DGKB: variants seen among roughly 807,000 people sequenced by gnomAD.
DGKB encodes 90 kDa diacylglycerol kinase.
A neutral mutation model predicts 114.3 loss-of-function variants in DGKB; 67 were observed. That is an observed-to-expected ratio of 0.59 (90% confidence interval 0.48 to 0.72). The LOEUF is 0.72. Ranked by LOEUF, DGKB falls within the 30% of genes least tolerant of loss-of-function variation. The pLI, the probability that DGKB is intolerant of heterozygous loss-of-function variation, is 0.00. For missense variants in DGKB, 907 were observed against 975.2 expected, an observed-to-expected ratio of 0.93 and a Z score of 0.93; for synonymous variants, 398 against 323.1, an observed-to-expected ratio of 1.23 and a Z score of -2.49.
At chr7:14,964,135 A>T (rs1167070876) in intron 1 of DGKB, among the ~76,000 whole-genome samples, 1 of 116,078 alleles carries the variant, frequency 8.6e-6, no homozygotes, top group Non-Finnish European at 1.8e-5. Context: ...AGTTATGAGT[A>T]AGAAGAAGGA....
intron 13 of DGKB, among the ~76,000 whole-genome samples, chr7:14,638,566 C>T (rs952258877): frequency 8.5e-5 from 13 of 152,082 alleles, no homozygotes; most frequent in African/African-American, 2.9e-4. Context: ...AGCATCTAGT[C>T]TATGACCAAA....
chr7:14,331,374 C>T (rs1809685828), intron 23 of DGKB, among the ~76,000 whole-genome samples: 1 of 151,862 alleles, frequency 6.6e-6, no homozygotes, highest in African/African-American at 2.4e-5. Flanking sequence ...AAATTAAATG[C>T]TTGGAAATTC....
In DGKB at chr7:14,169,364, C is replaced by CAA. The variant is rs35418998; in HGVS notation, c.2304+7473_2304+7474dup. ...TGGGCAACAGAGCGAGACTCCGTCT[C>CAA]AAAAAAAAAAAAAAAAAAAGAAATG... On this transcript the variant is annotated intron_variant, in intron 25 of 25. Transcript: ENST00000402815. Among the ~76,000 whole-genome samples the CAA allele has an allele frequency of 6.5e-3, 427 of 65,204 alleles. 4 individuals are homozygous for CAA. The highest frequency in any genetic ancestry group is 0.021 in the African/African-American group (388 of 18,900). 42.8% of individuals were successfully genotyped at this position (65,204 alleles called of 152,430 possible).
rs74763578 is a variant in DGKB, at chr7:14,818,291, G to A, written c.70+22903C>T. Reference sequence around the variant, plus strand: ...CCAGAAATATAAATAAAATGGCTAAGTCAAGGGAGGTCGAATTTCTATTCT... The same window carrying A: ...CCAGAAATATAAATAAAATGGCTAAATCAAGGGAGGTCGAATTTCTATTCT... On this transcript the variant is annotated intron_variant, in intron 2 of 25. Coordinates refer to ENST00000402815, the MANE Select transcript of DGKB (RefSeq NM_001350709.2). 9.4e-3 allele frequency among the ~76,000 whole-genome samples: 1,431 copies of A among 152,304 alleles called. 12 individuals carry two copies. The highest frequency in any genetic ancestry group is 0.02 in the South Asian group (97 of 4,826).
At chr7:14,824,845 AT>A (rs1294482398) in intron 2 of DGKB, among the ~76,000 whole-genome samples, 1 of 151,352 alleles carries the variant, frequency 6.6e-6, no homozygotes, top group African/African-American at 2.4e-5. Context: ...ATAATTTTAG[AT>A]TTTTTTGATT....
intron 2 of DGKB, among the ~76,000 whole-genome samples, chr7:14,822,597 G>C (rs139162231): frequency 6.6e-6 from 1 of 152,108 alleles, no homozygotes; most frequent in African/African-American, 2.4e-5. Context: ...AAGTAGAACA[G>C]GGAGTAGATA....
At chr7:14,403,135 T>G (rs902392063) in intron 21 of DGKB, among the ~76,000 whole-genome samples, 8 of 151,862 alleles carry the variant, frequency 5.3e-5, no homozygotes, top group Admixed American at 4.6e-4. Context: ...TGGAGAATAC[T>G]AATACAGTGT....
At chr7:14,506,882 G>A (rs1378478792) in intron 20 of DGKB, among the ~76,000 whole-genome samples, 1 of 152,204 alleles carries the variant, frequency 6.6e-6, no homozygotes, top group Admixed American at 6.5e-5. Context: ...ATTGTAAGTA[G>A]AAGTCATATA....
chr7:14,591,995 T>C (rs1169940970), intron 17 of DGKB, among the ~76,000 whole-genome samples: 1 of 151,960 alleles, frequency 6.6e-6, no homozygotes, highest in Non-Finnish European at 1.5e-5. Flanking sequence ...ATATTACTTT[T>C]TATTCCAATC....
chr7:14,835,396 A>G (rs1171324582), intron 2 of DGKB, among the ~76,000 whole-genome samples: 1 of 152,232 alleles, frequency 6.6e-6, no homozygotes, highest in African/African-American at 2.4e-5. Context: ...AGGCAACTCC[A>G]TGAGGAAACT....
intron 23 of DGKB, among the ~76,000 whole-genome samples, chr7:14,181,401 T>G (rs1469992416): frequency 6.6e-6 from 1 of 152,220 alleles, no homozygotes; most frequent in Non-Finnish European, 1.5e-5. Flanking sequence ...CCACAGTGTA[T>G]GTAACCATGC....
chr7:14,761,949 C>A (rs755775719), intron 2 of DGKB, among the ~76,000 whole-genome samples: 1 of 152,136 alleles, frequency 6.6e-6, no homozygotes, highest in Non-Finnish European at 1.5e-5. Context: ...AGGGGTATGA[C>A]TTGGGGAAAT....
intron 23 of DGKB, among the ~76,000 whole-genome samples, chr7:14,256,218 C>A (rs2128401262): frequency 6.6e-6 from 1 of 152,082 alleles, no homozygotes; most frequent in South Asian, 2.1e-4. Context: ...TGCATTACTG[C>A]CATTTTCCTA....
intron 2 of DGKB, among the ~76,000 whole-genome samples, chr7:14,794,612 C>G (rs1841142760): frequency 6.6e-6 from 1 of 152,106 alleles, no homozygotes; most frequent in African/African-American, 2.4e-5. Context: ...TCTCCTAGAG[C>G]TGCAGGACTG....
At chr7:14,694,595 G>A (rs1244607856) in intron 8 of DGKB, among the ~76,000 whole-genome samples, 1 of 152,120 alleles carries the variant, frequency 6.6e-6, no homozygotes, top group Non-Finnish European at 1.5e-5. Flanking sequence ...AAGTAGTAAG[G>A]GGCGAAGGAA....
intron 1 of DGKB, among the ~76,000 whole-genome samples, chr7:14,910,052 C>CA (rs1306250449): frequency 2.0e-5 from 3 of 151,656 alleles, no homozygotes; most frequent in Non-Finnish European, 4.4e-5. Flanking sequence ...ACTAAAAATA[C>CA]AAAAAATTAG....
At chr7:14,773,351 T>C (rs1035625608) in intron 2 of DGKB, among the ~76,000 whole-genome samples, 4 of 152,084 alleles carry the variant, frequency 2.6e-5, no homozygotes, top group African/African-American at 7.2e-5. Context: ...AATAACAGCA[T>C]ACAGGCCCCT....
intron 1 of DGKB, among the ~76,000 whole-genome samples, chr7:14,852,494 A>AAAAAAAAAAAAAAAAAAAAAAAAAG (rs1187968977): frequency 6.7e-6 from 1 of 148,638 alleles, no homozygotes; most frequent in African/African-American, 2.5e-5. Context: ...AGTCAAAAAA[A>AAAAAAAAAAAAAAAAAAAAAAAAAG]AAACAGAAAT....
At chr7:14,732,189 T>C (rs1276033875) in intron 5 of DGKB, among the ~76,000 whole-genome samples, 1 of 87,388 alleles carries the variant, frequency 1.1e-5, no homozygotes, top group Non-Finnish European at 2.6e-5. Flanking sequence ...CATTCAGTAG[T>C]GAGCATAATT....
Sources: allele counts gnomAD v4.1 joint callset (sites outside exome capture counted in the v4.1 genomes callset), GRCh38; gene constraint gnomAD v4.1.1; transcripts MANE v1.5; gene names NCBI Gene and HGNC (gene_info 2026-07-23, HGNC 2026-07-21).